RASGEF1C: variants seen among roughly 807,000 people sequenced by gnomAD.
The protein encoded by RASGEF1C is ras-GEF domain-containing family member 1C.
A neutral mutation model predicts 58.1 loss-of-function variants in RASGEF1C; 27 were observed. The observed-to-expected ratio is 0.46, with a 90% CI of 0.34 to 0.64. The LOEUF (loss-of-function observed/expected upper bound fraction) is 0.64, where lower values mean the gene tolerates loss of function less well. Among genes scored for constraint, RASGEF1C ranks in the 30% least tolerant of loss-of-function variants. The pLI, the probability that RASGEF1C is intolerant of heterozygous loss-of-function variation, is 0.01. For missense variants in RASGEF1C, 502 were observed against 605.1 expected (o/e 0.83, Z 1.79); for synonymous variants, 243 against 246.3 (o/e 0.99, Z 0.13).
chr5:180,104,919 T>A (rs993726717), intron 12 of RASGEF1C, among the ~76,000 whole-genome samples: 3 of 152,216 alleles, frequency 2.0e-5, no homozygotes, highest in African/African-American at 7.2e-5. Context: ...GTTAGTGATA[T>A]CCTGTTTTAC....
chr5:180,106,731 T>C (rs1765879779), intron 12 of RASGEF1C, among the ~76,000 whole-genome samples: 1 of 152,332 alleles, frequency 6.6e-6, no homozygotes, highest in East Asian at 1.9e-4. Context: ...TTTTAAAAAA[T>C]GTGTGTTCTA....
In RASGEF1C at chr5:180,137,943, G is replaced by C. The variant is rs373863176; in HGVS notation, c.110C>G (p.Ala37Gly). The change falls in exon 2 of 14, where the codon GCG (alanine) becomes GGG (glycine). Residue 37 changes from alanine (A) to glycine (G), a missense_variant. Ala to Gly is a moderately conservative substitution (Grantham distance 60, BLOSUM62 0). Coordinates refer to ENST00000361132, the MANE Select transcript of RASGEF1C (RefSeq NM_175062.4). The surrounding 1 kb of genome is among the most constrained non-coding windows in gnomAD (Gnocchi z 4.1). ...TGTTTCCAGGGAGGCTGAGGATGGC[G>C]CTCCATCCAGGAGGGGCTGCCCAGC... ...EQAGQPLLDG[A>G]PSSASLETLI... 8.7e-5 allele frequency: 141 copies of C among 1,612,930 alleles called. No homozygotes were observed. Among genetic ancestry groups the C allele is most frequent in the Admixed American group, 1.2e-4 (7 of 59,932 alleles).
intron 1 of RASGEF1C, among the ~76,000 whole-genome samples, chr5:180,140,013 C>CA: frequency 6.6e-6 from 1 of 152,314 alleles, no homozygotes; most frequent in Non-Finnish European, 1.5e-5. Flanking sequence ...AGGTGCCATG[C>CA]AGGGGCCTTT....
At chr5:180,138,096 CACACCTGAGTTGGGT>C in intron 1 of RASGEF1C, 38 bp from the exon 2 acceptor site, 6 of 1,307,584 alleles carry the variant, frequency 4.6e-6, no homozygotes, top group Non-Finnish European at 6.2e-6. Flanking sequence ...TGAGTGGGGG[CACACCTGAGTTGGGT>C]GCACCTGAGT....
chr5:180,138,792 C>G (rs4700716), intron 1 of RASGEF1C, among the ~76,000 whole-genome samples: 1 of 152,228 alleles, frequency 6.6e-6, no homozygotes, highest in African/African-American at 2.4e-5. Flanking sequence ...GCCACGTTCT[C>G]TCCTCCAAAT....
intron 1 of RASGEF1C, among the ~76,000 whole-genome samples, chr5:180,152,493 C>T (rs1581109641): frequency 7.1e-6 from 1 of 141,354 alleles, no homozygotes; most frequent in South Asian, 2.2e-4. Flanking sequence ...TGTTCTCACT[C>T]ATAGGTGGGA....
rs1756556897 is a variant in RASGEF1C, at chr5:180,209,153, GA to G, written c.-133del. ...GCCGCCGCCGCCGCCGCCGCCGCCC[GA>G]CCGCCCGGCTCCCAGCGCAGCCCGC... On this transcript the variant is annotated 5_prime_UTR_variant, in exon 1 of 14. Coordinates refer to ENST00000361132, the MANE Select transcript of RASGEF1C (RefSeq NM_175062.4). 6.9e-6 allele frequency: 1 copy of G among 144,776 alleles called. No homozygotes were observed. Among genetic ancestry groups the G allele is most frequent in the African/African-American group, 2.5e-5 (1 of 39,682 alleles). The allele number at this position is 144,776 out of a possible 1,614,324, so 9.0% of individuals were successfully genotyped here.
At chr5:180,136,565 C>T (rs1450121941) in intron 3 of RASGEF1C, 50 bp from the exon 4 acceptor site, 12 of 1,533,024 alleles carry the variant, frequency 7.8e-6, no homozygotes, top group East Asian at 7.3e-5. Context: ...CGGGTGGGCA[C>T]GTGAGCCTCA....
intron 1 of RASGEF1C, among the ~76,000 whole-genome samples, chr5:180,186,852 G>A (rs7737336): frequency 0.83 from 126,321 of 152,184 alleles, 52,591 homozygotes; most frequent in Admixed American, 0.88. Flanking sequence ...TGTAATGCCA[G>A]CTTCTCAGGA....
At chr5:180,134,580 A>G (rs1766433096) in intron 4 of RASGEF1C, among the ~76,000 whole-genome samples, 1 of 150,676 alleles carries the variant, frequency 6.6e-6, no homozygotes, top group Admixed American at 6.6e-5. Flanking sequence ...ACGTGCTACC[A>G]CCCACCTCCC....
chr5:180,118,884 G>A lies in RASGEF1C; in HGVS notation c.908-18C>T. On this transcript the variant is annotated intron_variant, in intron 8 of 13. Coordinates refer to ENST00000361132, the MANE Select transcript of RASGEF1C (RefSeq NM_175062.4). ...CATGCCGGCTGGAAGAGGGAGGAGGGTTGGAGAGGGCTGCTCCTGGGACAG... is the reference window on the plus strand; with the variant it reads ...CATGCCGGCTGGAAGAGGGAGGAGGATTGGAGAGGGCTGCTCCTGGGACAG... 1 of 1,612,362 alleles carries A rather than the reference G, an allele frequency of 6.2e-7. No homozygotes were observed.
intron 1 of RASGEF1C, among the ~76,000 whole-genome samples, chr5:180,164,132 C>T (rs984480537): frequency 7.2e-5 from 11 of 152,142 alleles, no homozygotes; most frequent in East Asian, 5.8e-4. Context: ...TTGTCAGTAT[C>T]GCTAGAGATT....
rs56344691 is a variant in RASGEF1C at position 180,178,133 on chromosome 5, AT to A, written c.-7+30894del. On this transcript the variant is annotated intron_variant, in intron 1 of 13. Coordinates refer to ENST00000361132, the MANE Select transcript of RASGEF1C (RefSeq NM_175062.4). ...AGGCGTGCACCACCAAGCCTGGCTA[AT>A]TTTTTTTTTTTTTTTGTATTTTTAG... Among the ~76,000 whole-genome samples, 884 of 135,266 alleles carry A rather than the reference AT, an allele frequency of 6.5e-3. 4 individuals are homozygous for A. Among genetic ancestry groups the A allele is most frequent in the African/African-American group, 0.014 (505 of 36,586 alleles). 88.7% of individuals were successfully genotyped at this position (135,266 alleles called of 152,430 possible). A position where few individuals can be genotyped will look rare whatever the true frequency, so the allele number is the denominator to read the frequency against.
At chr5:180,133,334 G>A (rs1397750857) in intron 4 of RASGEF1C, among the ~76,000 whole-genome samples, 3 of 152,188 alleles carry the variant, frequency 2.0e-5, no homozygotes, top group Non-Finnish European at 4.4e-5. Context: ...GCGACGACAT[G>A]GGAGTGGGCG....
intron 1 of RASGEF1C, among the ~76,000 whole-genome samples, chr5:180,167,277 G>C (rs1767037386): frequency 6.6e-6 from 1 of 152,030 alleles, no homozygotes; most frequent in Admixed American, 6.5e-5. Flanking sequence ...TCTCTCTGTT[G>C]TTCAGATTGG....
In RASGEF1C at chr5:180,156,998, C is replaced by G. The variant is rs1157300755; in HGVS notation, c.-6-18940G>C. Among the ~76,000 whole-genome samples the G allele has an allele frequency of 6.6e-6, 1 of 152,110 alleles. No individual in the cohort carries two copies. The highest frequency in any genetic ancestry group is 1.5e-5 in the Non-Finnish European group (1 of 68,026). On this transcript the variant is annotated intron_variant, in intron 1 of 13. Coordinates refer to ENST00000361132, the MANE Select transcript of RASGEF1C (RefSeq NM_175062.4). The surrounding 1 kb of genome is among the most constrained non-coding windows in gnomAD (Gnocchi z 4.9). ...CACACCTACTAGAGTGGTCAAAATCCAGATCACTGTCACCACCAAATGCTG... is the reference window on the plus strand; with the variant it reads ...CACACCTACTAGAGTGGTCAAAATCGAGATCACTGTCACCACCAAATGCTG...
At position 180,110,392 on chromosome 5, in the gene RASGEF1C, C is replaced by CTT. The variant is rs67020657; in HGVS notation, c.1303+1063_1303+1064dup. On this transcript the variant is annotated intron_variant, in intron 12 of 13. Transcript: ENST00000361132. ...CAAAATCATTAAAAGATCCTTCTCCCTTTTTTTTTTTTTTTTTGGAGAAAG... is the reference window on the plus strand; with the variant it reads ...CAAAATCATTAAAAGATCCTTCTCCCTTTTTTTTTTTTTTTTTTTGGAGAAAG... Among the ~76,000 whole-genome samples, 518 of 132,226 alleles carry CTT rather than the reference C, an allele frequency of 3.9e-3. 31 individuals are homozygous for CTT. Among genetic ancestry groups the CTT allele is most frequent in the Middle Eastern group, 8.1e-3 (2 of 248 alleles). 86.7% of individuals were successfully genotyped at this position (132,226 alleles called of 152,430 possible). A position where few individuals can be genotyped will look rare whatever the true frequency, so the allele number is the denominator to read the frequency against.
At chr5:180,179,523 A>C (rs1767287677) in intron 1 of RASGEF1C, among the ~76,000 whole-genome samples, 1 of 152,120 alleles carries the variant, frequency 6.6e-6, no homozygotes, top group Non-Finnish European at 1.5e-5. Flanking sequence ...CTGCACCGAC[A>C]CCTTTGACCT....
intron 1 of RASGEF1C, 149 bp downstream of exon 1, chr5:180,208,879 C>T (rs1199727271): frequency 6.7e-6 from 1 of 149,840 alleles, no homozygotes; most frequent in Admixed American, 6.7e-5. Flanking sequence ...GCGGACCCCG[C>T]CCCTGCTGAC....
Sources: allele counts gnomAD v4.1 joint callset (sites outside exome capture counted in the v4.1 genomes callset), GRCh38; gene constraint gnomAD v4.1.1; non-coding constraint Gnocchi (gnomAD v3.1); transcripts MANE v1.5; gene names NCBI Gene and HGNC (gene_info 2026-07-23, HGNC 2026-07-21).